Variants in PPP2R2B observed in about 807,000 individuals in gnomAD.
PPP2R2B encodes protein phosphatase 2 regulatory subunit Bbeta.
Under a neutral mutation model 46.0 loss-of-function variants are expected in PPP2R2B, and 5 were observed. The observed-to-expected ratio is 0.11, with a 90% CI of 0.06 to 0.23. The LOEUF (loss-of-function observed/expected upper bound fraction) is 0.23. Ranked by LOEUF, PPP2R2B falls within the 10% of genes least tolerant of loss-of-function variation. The probability of loss-of-function intolerance (pLI) is 1.00; values close to 1 mark genes in which losing one functional copy is unlikely to be tolerated. For missense variants in PPP2R2B, 367 were observed against 575.0 expected, an observed-to-expected ratio of 0.64 and a Z score of 3.70; for synonymous variants, 215 against 206.7, an observed-to-expected ratio of 1.04 and a Z score of -0.34.
intron 2 of PPP2R2B, among the ~76,000 whole-genome samples, chr5:146,724,095 A>T (rs1201066130): frequency 1.3e-5 from 2 of 152,140 alleles, no homozygotes; most frequent in East Asian, 3.9e-4. Flanking sequence ...TCCTACTTAC[A>T]TGTCCAGACC....
chr5:147,001,523 C>A (rs140916618), intron 1 of PPP2R2B, among the ~76,000 whole-genome samples: 1 of 152,218 alleles, frequency 6.6e-6, no homozygotes, highest in African/African-American at 2.4e-5. Context: ...GTCAGAGGAA[C>A]AAACTCTGGA....
At chr5:146,601,028 G>T (rs1344210118) in intron 7 of PPP2R2B, among the ~76,000 whole-genome samples, 1 of 152,060 alleles carries the variant, frequency 6.6e-6, no homozygotes, top group African/African-American at 2.4e-5. Flanking sequence ...CACATAAATA[G>T]AATCATAGAA....
intron 1 of PPP2R2B, among the ~76,000 whole-genome samples, chr5:146,896,590 T>C (rs938781183): frequency 6.6e-6 from 1 of 152,232 alleles, no homozygotes; most frequent in African/African-American, 2.4e-5. Context: ...AAAGAAGCTA[T>C]TCAGTTTGAA....
intron 2 of PPP2R2B, among the ~76,000 whole-genome samples, chr5:146,718,067 G>A (rs549885290): frequency 6.6e-6 from 1 of 151,950 alleles, no homozygotes; most frequent in African/African-American, 2.4e-5. Context: ...TGTCTCCCTT[G>A]TAAGACTACA....
intron 2 of PPP2R2B, among the ~76,000 whole-genome samples, chr5:146,763,039 A>C (rs1754261038): frequency 6.6e-6 from 1 of 152,204 alleles, no homozygotes; most frequent in Non-Finnish European, 1.5e-5. Context: ...CAGCTCTGTG[A>C]GCCTGTTTTG....
chr5:146,928,159 A>C (rs1763844611), intron 1 of PPP2R2B, among the ~76,000 whole-genome samples: 1 of 152,176 alleles, frequency 6.6e-6, no homozygotes, highest in East Asian at 1.9e-4. Context: ...CTTGTGCCTC[A>C]AGCTCAGCTC....
chr5:146,878,497 C>G lies in PPP2R2B; in HGVS notation c.-125+94G>C. ...GCTCCAAAATGCAAAAAAGATCCCT[C>G]CTCCCCCTGGGAGAGCGGGCAGCCG... On this transcript the variant is annotated intron_variant, in intron 1 of 9. Transcript: ENST00000394411. This position sits in a 1 kb window ranked among gnomAD's most constrained non-coding sequence, Gnocchi z 4.5. The G allele has an allele frequency of 1.5e-6, 2 of 1,326,140 alleles. No homozygotes were observed. Among genetic ancestry groups the G allele is most frequent in the Non-Finnish European group, 1.9e-6 (2 of 1,029,808 alleles). 82.1% of individuals were successfully genotyped at this position (1,326,140 alleles called of 1,614,324 possible). A position where few individuals can be genotyped will look rare whatever the true frequency, so the allele number is the denominator to read the frequency against.
intron 2 of PPP2R2B, among the ~76,000 whole-genome samples, chr5:147,076,501 TTTA>T (rs1400158049): frequency 6.6e-6 from 1 of 152,174 alleles, no homozygotes; most frequent in Non-Finnish European, 1.5e-5. Context: ...TTTTCTGATT[TTTA>T]TTGGTTAAAT....
rs148794990 is a variant in PPP2R2B at position 146,798,226 on chromosome 5, G to T, written c.70+79776C>A. Among the ~76,000 whole-genome samples, 153 of 152,000 alleles carry T rather than the reference G, an allele frequency of 1.0e-3. 1 individual carries two copies. The highest frequency in any genetic ancestry group is 3.4e-3 in the African/African-American group (142 of 41,444). ...TACTTTATCCCAATTTCTTTCACTC[G>T]GTTGCCTCATTTTGTTTTTCATCTT... On this transcript the variant is annotated intron_variant, in intron 2 of 9. Coordinates refer to ENST00000394411, the MANE Select transcript of PPP2R2B (RefSeq NM_181675.4).
Position 146,878,548 on chromosome 5 carries a change from C to A in PPP2R2B, c.-125+43G>T. On this transcript the variant is annotated intron_variant, in intron 1 of 9. Coordinates refer to ENST00000394411, the MANE Select transcript of PPP2R2B (RefSeq NM_181675.4). The surrounding 1 kb of genome is among the most constrained non-coding windows in gnomAD (Gnocchi z 4.5). ...CGACAAAATGGTGCCTTTCTGGACC[C>A]GAGCTGCAGTGGCGAGATGGCAGGG... The A allele has an allele frequency of 8.0e-7, 1 of 1,256,652 alleles. No homozygotes were observed. 77.8% of individuals were successfully genotyped at this position (1,256,652 alleles called of 1,614,324 possible).
intron 1 of PPP2R2B, among the ~76,000 whole-genome samples, chr5:147,030,964 C>T (rs571179529): frequency 5.3e-5 from 8 of 152,214 alleles, no homozygotes; most frequent in South Asian, 2.1e-4. Flanking sequence ...TGGCCGTGCG[C>T]GGTGGCTCAC....
At chr5:146,987,484 G>C (rs1329136078) in intron 1 of PPP2R2B, among the ~76,000 whole-genome samples, 1 of 151,946 alleles carries the variant, frequency 6.6e-6, no homozygotes, top group Non-Finnish European at 1.5e-5. Flanking sequence ...CAAAATGTAG[G>C]GATAAGATGA....
intron 1 of PPP2R2B, among the ~76,000 whole-genome samples, chr5:147,052,494 C>T (rs1449555160): frequency 1.3e-5 from 2 of 152,092 alleles, no homozygotes; most frequent in African/African-American, 4.8e-5. Context: ...AGTAAGAAAC[C>T]CAGTTCTTTA....
intron 1 of PPP2R2B, among the ~76,000 whole-genome samples, chr5:146,952,833 G>A (rs1318287166): frequency 6.6e-6 from 1 of 152,124 alleles, no homozygotes; most frequent in East Asian, 1.9e-4. Context: ...CTAGGTATGT[G>A]AGAGTCATAA....
At chr5:147,065,956 A>T (rs1757403056) in intron 2 of PPP2R2B, among the ~76,000 whole-genome samples, 1 of 151,932 alleles carries the variant, frequency 6.6e-6, no homozygotes, top group East Asian at 1.9e-4. Context: ...TATTCTCAGG[A>T]CCCCCAGGCT....
rs1348696875 is a variant in PPP2R2B at position 146,582,355 on chromosome 5, GTATTGA to G, written c.*7586_*7591del. 1 of 152,214 alleles carries G rather than the reference GTATTGA, an allele frequency of 6.6e-6. No homozygotes were observed. Among genetic ancestry groups the G allele is most frequent in the Non-Finnish European group, 1.5e-5 (1 of 68,046 alleles). The allele number at this position is 152,214 out of a possible 1,614,324, so 9.4% of individuals were successfully genotyped here. On this transcript the variant is annotated 3_prime_UTR_variant, in exon 10 of 10. Coordinates refer to ENST00000394411, the MANE Select transcript of PPP2R2B (RefSeq NM_181675.4). ...GTTGCTTCCTGCATCAGTGAACATGGTATTGATTGTAAGCTGTCAACCTTTCTGCAT... is the reference window on the plus strand; with the variant it reads ...GTTGCTTCCTGCATCAGTGAACATGGTTGTAAGCTGTCAACCTTTCTGCAT...
At chr5:146,595,681 GAA>G (rs770850820) in intron 8 of PPP2R2B, among the ~76,000 whole-genome samples, 2 of 152,116 alleles carry the variant, frequency 1.3e-5, no homozygotes, top group Admixed American at 6.5e-5. Context: ...TTGTTGCACA[GAA>G]AAAAAGTCTT....
intron 5 of PPP2R2B, among the ~76,000 whole-genome samples, chr5:146,661,718 G>C (rs772781762): frequency 6.6e-6 from 1 of 152,064 alleles, no homozygotes; most frequent in Non-Finnish European, 1.5e-5. Context: ...AGATAAACTC[G>C]CTAATTACCA....
intron 2 of PPP2R2B, among the ~76,000 whole-genome samples, chr5:146,760,327 G>A (rs1327960254): frequency 3.3e-5 from 5 of 152,284 alleles, no homozygotes; most frequent in East Asian, 1.9e-4. Flanking sequence ...TCACTGCATA[G>A]CTAGTAAGTA....
Sources: allele counts gnomAD v4.1 joint callset (sites outside exome capture counted in the v4.1 genomes callset), GRCh38; gene constraint gnomAD v4.1.1; non-coding constraint Gnocchi (gnomAD v3.1); transcripts MANE v1.5; gene names NCBI Gene and HGNC (gene_info 2026-07-23, HGNC 2026-07-21).